The following CLSTN2 variants were observed in gnomAD, a reference collection of about 807,000 sequenced individuals.
CLSTN2 encodes the protein calsyntenin-2.
In CLSTN2, 48 loss-of-function variants were observed where a neutral mutation model predicts 101.2. That is an observed-to-expected ratio of 0.47 (90% confidence interval 0.38 to 0.60). The LOEUF (loss-of-function observed/expected upper bound fraction) is 0.60, where lower values mean the gene tolerates loss of function less well. Ranked by LOEUF, CLSTN2 falls within the 20% of genes least tolerant of loss-of-function variation. The probability of loss-of-function intolerance (pLI) is 0.00; values close to 1 mark genes in which losing one functional copy is unlikely to be tolerated. For missense variants in CLSTN2, 1,160 were observed against 1,238.2 expected (o/e 0.94, Z 0.95); for synonymous variants, 481 against 463.6 (o/e 1.04, Z -0.48).
intron 1 of CLSTN2, among the ~76,000 whole-genome samples, chr3:139,977,982 C>T (rs919347454): frequency 2.8e-4 from 42 of 152,234 alleles, no homozygotes; most frequent in African/African-American, 7.9e-4. Context: ...TTTCCCATTT[C>T]GACACTGGGA....
At chr3:140,447,576 T>G (rs1457699484) in intron 5 of CLSTN2, among the ~76,000 whole-genome samples, 1 of 152,188 alleles carries the variant, frequency 6.6e-6, no homozygotes, top group Non-Finnish European at 1.5e-5. Flanking sequence ...TCCACATTAT[T>G]TTTTCACTAA....
intron 2 of CLSTN2, among the ~76,000 whole-genome samples, chr3:140,197,197 G>T (rs1312830524): frequency 6.6e-6 from 1 of 152,130 alleles, no homozygotes; most frequent in Non-Finnish European, 1.5e-5. Context: ...TCCTCACTAT[G>T]AAATGATTGT....
intron 1 of CLSTN2, among the ~76,000 whole-genome samples, chr3:139,997,641 C>G (rs895028387): frequency 1.3e-5 from 2 of 152,154 alleles, no homozygotes; most frequent in Non-Finnish European, 2.9e-5. Context: ...GTCTTTGTAT[C>G]TGGTAGGGCA....
intron 2 of CLSTN2, among the ~76,000 whole-genome samples, chr3:140,240,293 C>A (rs199990842): frequency 3.5e-4 from 4 of 11,366 alleles, no homozygotes; most frequent in Non-Finnish European, 1.5e-3. Context: ...CATATATACA[C>A]ATATATATAT....
At chr3:140,154,938 G>T (rs1353736093) in intron 1 of CLSTN2, among the ~76,000 whole-genome samples, 1 of 152,076 alleles carries the variant, frequency 6.6e-6, no homozygotes, top group Non-Finnish European at 1.5e-5. Context: ...TATCTCATGA[G>T]AACTCACTCA....
chr3:140,353,239 A>C (rs1328882074), intron 2 of CLSTN2, among the ~76,000 whole-genome samples: 1 of 102,600 alleles, frequency 9.7e-6, no homozygotes, highest in Non-Finnish European at 2.2e-5. Context: ...ATGTATGTTT[A>C]CACATATATA....
chr3:140,325,167 G>A (rs1479876), intron 2 of CLSTN2, among the ~76,000 whole-genome samples: 11,760 of 152,198 alleles, frequency 0.077, 548 homozygotes, highest in East Asian at 0.11. Context: ...CAAAGTGTTG[G>A]GATTACAGGC....
chr3:140,350,762 C>T (rs957126740), intron 2 of CLSTN2, among the ~76,000 whole-genome samples: 11 of 152,276 alleles, frequency 7.2e-5, no homozygotes, highest in Non-Finnish European at 7.4e-5. Context: ...CTGCCTTTGA[C>T]CCCAGGTTAC....
At chr3:140,434,907 T>A (rs561549475) in intron 5 of CLSTN2, among the ~76,000 whole-genome samples, 22 of 152,280 alleles carry the variant, frequency 1.4e-4, no homozygotes, top group Non-Finnish European at 2.6e-4. Context: ...TTAAAAAAAA[T>A]TTTTTTAAAT....
intron 2 of CLSTN2, among the ~76,000 whole-genome samples, chr3:140,355,723 G>A (rs2087663870): frequency 6.6e-6 from 1 of 152,174 alleles, no homozygotes; most frequent in Admixed American, 6.5e-5. Context: ...GCATTCCCAG[G>A]AGCAATGGGG....
intron 2 of CLSTN2, among the ~76,000 whole-genome samples, chr3:140,353,246 T>TATATATATATATATGTATGTTTACAC (rs1286788674): frequency 2.2e-5 from 1 of 45,516 alleles, no homozygotes; most frequent in South Asian, 6.7e-4. Flanking sequence ...TTTACACATA[T>TATATATATATATATGTATGTTTACAC]ATATATATAT....
chr3:140,182,236 T>G (rs910696396), intron 2 of CLSTN2, among the ~76,000 whole-genome samples: 1 of 152,222 alleles, frequency 6.6e-6, no homozygotes, highest in Non-Finnish European at 1.5e-5. Context: ...AGGCAAGGAT[T>G]GCTGGCTTTT....
chr3:140,493,371 T>C (rs1018284234), intron 8 of CLSTN2, among the ~76,000 whole-genome samples: 2 of 152,228 alleles, frequency 1.3e-5, no homozygotes, highest in African/African-American at 2.4e-5. Flanking sequence ...ATCTGTGTTA[T>C]TATTTAGGAT....
chr3:140,087,236 G>T (rs1298136445), intron 1 of CLSTN2, among the ~76,000 whole-genome samples: 1 of 152,128 alleles, frequency 6.6e-6, no homozygotes, highest in Non-Finnish European at 1.5e-5. Context: ...CAGGAAGGAG[G>T]GAGAAAGAAG....
chr3:140,192,112 G>C (rs1662746697), intron 2 of CLSTN2, among the ~76,000 whole-genome samples: 1 of 151,870 alleles, frequency 6.6e-6, no homozygotes, highest in African/African-American at 2.4e-5. Context: ...TTGCAAAGTT[G>C]CTAAATGTTT....
intron 1 of CLSTN2, among the ~76,000 whole-genome samples, chr3:140,161,866 G>T (rs113815214): frequency 6.6e-6 from 1 of 152,244 alleles, no homozygotes; most frequent in African/African-American, 2.4e-5. Context: ...CGTTTTGTAG[G>T]TTATACCTGT....
At chr3:140,208,141 TC>T (rs926851018) in intron 2 of CLSTN2, among the ~76,000 whole-genome samples, 5 of 152,336 alleles carry the variant, frequency 3.3e-5, no homozygotes, top group Non-Finnish European at 1.5e-5. Context: ...ATCATTTTTT[TC>T]ATTACTTTTT....
chr3:140,528,636 C>CAAAAAAAAAAAAAA (rs3057900), intron 8 of CLSTN2, among the ~76,000 whole-genome samples: 115 of 148,938 alleles, frequency 7.7e-4, no homozygotes, highest in African/African-American at 2.9e-3. Context: ...GTGCCTCTGA[C>CAAAAAAAAAAAAAA]AAAAAAAAGA....
intron 2 of CLSTN2, among the ~76,000 whole-genome samples, chr3:140,217,594 C>T (rs979610865): frequency 6.6e-6 from 1 of 152,210 alleles, no homozygotes; most frequent in African/African-American, 2.4e-5. Flanking sequence ...TTACGATAGT[C>T]TCTGTACCTT....
Sources: gnomAD v4.1 joint callset for allele counts (sites outside exome capture counted in the v4.1 genomes callset) on GRCh38, gnomAD v4.1.1 for gene constraint, MANE v1.5 for transcripts, NCBI Gene and HGNC (gene_info 2026-07-23, HGNC 2026-07-21) for gene names.